Variants in AEBP2 observed in about 807,000 individuals in gnomAD.
AEBP2 encodes zinc finger protein AEBP2.
Under a neutral mutation model 50.8 loss-of-function variants are expected in AEBP2, and 10 were observed. That is an observed-to-expected ratio of 0.20 (90% CI 0.12 to 0.33). The LOEUF (loss-of-function observed/expected upper bound fraction) is 0.33, where lower values mean the gene tolerates loss of function less well. Among genes scored for constraint, AEBP2 ranks in the 10% least tolerant of loss-of-function variants. The pLI, the probability that AEBP2 is intolerant of heterozygous loss-of-function variation, is 1.00. For synonymous variants in AEBP2, 296 were observed against 261.3 expected (o/e 1.13, Z -1.28); for missense variants, 570 against 688.0 (o/e 0.83, Z 1.92).
At chr12:19,497,449 T>C (rs1647230740) in intron 4 of AEBP2, among the ~76,000 whole-genome samples, 1 of 151,318 alleles carries the variant, frequency 6.6e-6, no homozygotes, top group Admixed American at 6.6e-5. Context: ...TTGTGATCTT[T>C]CAACCTTTTT....
chr12:19,457,309 G>A, intron 1 of AEBP2: 1 of 1,533,992 alleles, frequency 6.5e-7, no homozygotes, highest in Non-Finnish European at 8.9e-7. Context: ...AGCACAGTCA[G>A]CCTGAGATGT....
At chr12:19,472,919 T>A (rs1010876868) in intron 2 of AEBP2, among the ~76,000 whole-genome samples, 5 of 152,140 alleles carry the variant, frequency 3.3e-5, no homozygotes, top group African/African-American at 1.2e-4. Context: ...TAGATGTTTG[T>A]TCTTTTGTGC....
chr12:19,486,554 C>G (rs1363574225), intron 3 of AEBP2, among the ~76,000 whole-genome samples: 1 of 152,012 alleles, frequency 6.6e-6, no homozygotes, highest in Admixed American at 6.6e-5. Flanking sequence ...CCACGTCCAG[C>G]TAATTTTTTG....
chr12:19,482,945 G>A (rs1948752093), intron 3 of AEBP2, among the ~76,000 whole-genome samples: 1 of 152,110 alleles, frequency 6.6e-6, no homozygotes. Context: ...CTCCCTTGGT[G>A]TACTGCTCAG....
At chr12:19,472,821 A>T (rs541064158) in intron 2 of AEBP2, among the ~76,000 whole-genome samples, 1 of 152,074 alleles carries the variant, frequency 6.6e-6, no homozygotes, top group Non-Finnish European at 1.5e-5. Context: ...TCATTTCATT[A>T]ATTTTTTTAT....
intron 7 of AEBP2, 73 bp from the exon 8 acceptor site, chr12:19,518,014 T>A (rs1161573764): frequency 7.3e-7 from 1 of 1,363,898 alleles, no homozygotes; most frequent in East Asian, 2.5e-5. Context: ...TATTAATATT[T>A]TTAATGTCTC....
chr12:19,424,088 G>C (rs974469734), intron 1 of AEBP2, among the ~76,000 whole-genome samples: 1 of 152,176 alleles, frequency 6.6e-6, no homozygotes, highest in Non-Finnish European at 1.5e-5. Context: ...AGAATAAGAA[G>C]AGAGTTGGGC....
At chr12:19,460,971 T>A (rs959038526) in intron 1 of AEBP2, among the ~76,000 whole-genome samples, 5 of 152,142 alleles carry the variant, frequency 3.3e-5, no homozygotes, top group African/African-American at 4.8e-5. Context: ...TCTTTTTTTT[T>A]AAGAAGGTAT....
chr12:19,493,818 A>T lies in AEBP2; in HGVS notation c.1006A>T (p.Asn336Tyr). 6.2e-7 allele frequency: 1 copy of T among 1,613,762 alleles called. No homozygotes were observed. The highest frequency in any genetic ancestry group is 8.5e-7 in the Non-Finnish European group (1 of 1,179,810). ...CTTTTAGTGTGTTGTTGGTGGCTGC[A>T]ATGCCAGCTTTGCTTCTCAGGGAGG... ...KPFKCVVGGC[N>Y]ASFASQGGLA... The change falls in exon 4 of 8, where the codon AAT becomes TAT. Residue 336 changes from asparagine to tyrosine, a missense_variant. Transcript: ENST00000266508.
At chr12:19,502,134 A>G (rs1949091532) in intron 5 of AEBP2, among the ~76,000 whole-genome samples, 1 of 151,782 alleles carries the variant, frequency 6.6e-6, no homozygotes, top group Non-Finnish European at 1.5e-5. Context: ...TGTTATTTGT[A>G]CCTACTTTTT....
intron 5 of AEBP2, among the ~76,000 whole-genome samples, chr12:19,502,682 C>T (rs550844852): frequency 1.1e-4 from 17 of 148,450 alleles, no homozygotes; most frequent in Admixed American, 2.0e-4. Flanking sequence ...GACTTTCGCT[C>T]TTGTTGCCCA....
At chr12:19,453,704 G>A (rs113466341) in intron 1 of AEBP2, among the ~76,000 whole-genome samples, 3 of 150,480 alleles carry the variant, frequency 2.0e-5, no homozygotes, top group Admixed American at 6.6e-5. Context: ...GATTATAGGC[G>A]TGAGCCACCG....
At position 19,518,565 on chromosome 12, in the gene AEBP2, A is replaced by G. The variant is rs938417225; in HGVS notation, c.*448A>G. ...ATATTTGTCTTGACAGTGTTTATTG[A>G]TTTGAAGTCATATTAGGAAATATTT... is the stretch of plus-strand genomic sequence containing the variant. On this transcript the variant is annotated 3_prime_UTR_variant, in exon 8 of 8. Coordinates refer to ENST00000266508, the MANE Select transcript of AEBP2 (RefSeq NM_153207.5). The G allele has an allele frequency of 1.9e-5, 26 of 1,342,718 alleles. No individual in the cohort carries two copies. The highest frequency in any genetic ancestry group is 2.4e-5 in the Non-Finnish European group (25 of 1,029,258). 83.2% of individuals were successfully genotyped at this position (1,342,718 alleles called of 1,614,324 possible).
intron 4 of AEBP2, among the ~76,000 whole-genome samples, chr12:19,494,320 AAGTAATCTAT>A (rs764073997): frequency 7.0e-4 from 107 of 152,266 alleles, no homozygotes; most frequent in Admixed American, 4.2e-3. Context: ...AGTGAAAGTT[AAGTAATCTAT>A]CTACTCCAAA....
intron 1 of AEBP2, chr12:19,456,515 A>G: frequency 6.6e-7 from 1 of 1,519,026 alleles, no homozygotes; most frequent in Non-Finnish European, 9.1e-7. Flanking sequence ...CCTTCAGCTC[A>G]GCAAACTTGC....
intron 1 of AEBP2, among the ~76,000 whole-genome samples, chr12:19,412,333 A>C (rs564328730): frequency 1.3e-5 from 2 of 152,118 alleles, no homozygotes; most frequent in African/African-American, 4.8e-5. Context: ...GCTGGAGTGC[A>C]GTGGTGTGAT....
At chr12:19,430,335 A>G (rs1345156265) in intron 1 of AEBP2, among the ~76,000 whole-genome samples, 2 of 152,212 alleles carry the variant, frequency 1.3e-5, no homozygotes, top group South Asian at 2.1e-4. Flanking sequence ...ATTGGTCTAT[A>G]TATCTGTTTT....
At chr12:19,509,024 G>A (rs1949194650) in intron 5 of AEBP2, 3 of 565,278 alleles carry the variant, frequency 5.3e-6, no homozygotes, top group Non-Finnish European at 1.0e-5. Flanking sequence ...CGTTGGGAAA[G>A]CACCAAAATC....
At chr12:19,412,183 G>A (rs892730658) in intron 1 of AEBP2, among the ~76,000 whole-genome samples, 5 of 152,238 alleles carry the variant, frequency 3.3e-5, no homozygotes, top group African/African-American at 4.8e-5. Context: ...CTGGAATCTT[G>A]TATCTTAAGA....
Sources: gnomAD v4.1 joint callset for allele counts (sites outside exome capture counted in the v4.1 genomes callset) on GRCh38, gnomAD v4.1.1 for gene constraint, MANE v1.5 for transcripts, NCBI Gene and HGNC (gene_info 2026-07-23, HGNC 2026-07-21) for gene names.